TENM4: variants seen among roughly 807,000 people sequenced by gnomAD.
TENM4 encodes the protein teneurin transmembrane protein 4, also known as teneurin-4.
Under a neutral mutation model 243.3 loss-of-function variants are expected in TENM4, and 82 were observed. That is an observed-to-expected ratio of 0.34 (90% confidence interval 0.28 to 0.40). The LOEUF (loss-of-function observed/expected upper bound fraction) is 0.40. TENM4 is among the 10% of genes least tolerant of loss of function. The probability of loss-of-function intolerance (pLI) is 1.00; values close to 1 mark genes in which losing one functional copy is unlikely to be tolerated. For missense variants in TENM4, 3,138 were observed against 3,673.3 expected, an observed-to-expected ratio of 0.85 and a Z score of 3.77; for synonymous variants, 1,412 against 1,456.3, an observed-to-expected ratio of 0.97 and a Z score of 0.69.
At chr11:79,437,220 G>C (rs1859289321) in intron 1 of TENM4, among the ~76,000 whole-genome samples, 1 of 152,152 alleles carries the variant, frequency 6.6e-6, no homozygotes, top group Admixed American at 6.5e-5. Context: ...GTGTGACTTC[G>C]CTGCAAATCT....
intron 3 of TENM4, among the ~76,000 whole-genome samples, chr11:79,208,811 A>C (rs17137853): frequency 2.6e-5 from 4 of 152,132 alleles, no homozygotes; most frequent in Non-Finnish European, 5.9e-5. Flanking sequence ...TGGCTTTTCC[A>C]CTATGGCCAG....
chr11:79,135,034 A>C (rs1372718931), intron 4 of TENM4, among the ~76,000 whole-genome samples: 1 of 152,196 alleles, frequency 6.6e-6, no homozygotes, highest in East Asian at 1.9e-4. Flanking sequence ...CAGCAAAAGG[A>C]ACAGTCAGCA....
At chr11:78,863,846 C>T (rs1032674496) in intron 9 of TENM4, among the ~76,000 whole-genome samples, 2 of 152,196 alleles carry the variant, frequency 1.3e-5, no homozygotes, top group Middle Eastern at 3.2e-3. Flanking sequence ...GAAATTCCTC[C>T]TCCAGATATA....
At chr11:78,993,501 G>C (rs1432605953) in intron 6 of TENM4, among the ~76,000 whole-genome samples, 1 of 151,974 alleles carries the variant, frequency 6.6e-6, no homozygotes, top group African/African-American at 2.4e-5. Flanking sequence ...TTACATGTTA[G>C]ACCACTTGAC....
intron 1 of TENM4, among the ~76,000 whole-genome samples, chr11:79,310,927 T>A (rs1017674565): frequency 4.6e-5 from 7 of 152,222 alleles, no homozygotes; most frequent in Admixed American, 6.5e-5. Flanking sequence ...CAGCCTTTTT[T>A]AAAAAATAAA....
In TENM4 at chr11:79,406,728, T is replaced by C. The variant is rs1001801701; in HGVS notation, c.-321+33781A>G. Among the ~76,000 whole-genome samples, 12 of 152,240 alleles carry C rather than the reference T, an allele frequency of 7.9e-5. 1 individual carries two copies. The highest frequency in any genetic ancestry group is 3.9e-4 in the Admixed American group (6 of 15,276). On this transcript the variant is annotated intron_variant, in intron 1 of 33. Coordinates refer to ENST00000278550, the MANE Select transcript of TENM4 (RefSeq NM_001098816.3). ...ATCTAAGCCTGGCAGCAAAGCAGAATGGAGAATCTAGGTCTCCTGGCTCCT... is the reference window on the plus strand; with the variant it reads ...ATCTAAGCCTGGCAGCAAAGCAGAACGGAGAATCTAGGTCTCCTGGCTCCT...
intron 2 of TENM4, among the ~76,000 whole-genome samples, chr11:79,263,687 A>G (rs1855835809): frequency 1.3e-5 from 2 of 152,226 alleles, no homozygotes; most frequent in African/African-American, 4.8e-5. Flanking sequence ...AATGGAAAGT[A>G]GTAAACATGA....
chr11:79,286,680 T>A (rs570823289), intron 2 of TENM4, among the ~76,000 whole-genome samples: 19 of 150,278 alleles, frequency 1.3e-4, no homozygotes, highest in East Asian at 7.8e-4. Context: ...AAAAAAAAAA[T>A]TTTTTTTTAA....
At chr11:79,244,745 C>T (rs1328118672) in intron 2 of TENM4, among the ~76,000 whole-genome samples, 2 of 152,140 alleles carry the variant, frequency 1.3e-5, no homozygotes, top group African/African-American at 4.8e-5. Flanking sequence ...TCATTTCTTT[C>T]ACAAGCCTGT....
At chr11:79,094,448 T>G (rs1310598209) in intron 4 of TENM4, among the ~76,000 whole-genome samples, 2 of 152,306 alleles carry the variant, frequency 1.3e-5, no homozygotes, top group South Asian at 4.1e-4. Context: ...GATCGAGATC[T>G]GACTCCGAGC....
Position 78,908,380 on chromosome 11 carries a change from A to G in TENM4, c.494-4857T>C, listed in dbSNP as rs115061848. The stretch of plus-strand genomic sequence containing the variant: ...CTTAGCACCATGCTTGGAATATAGG[A>G]ATTCTGAAAAATGGTAACTATTAAT... On this transcript the variant is annotated intron_variant, in intron 6 of 33. Transcript: ENST00000278550. Among the ~76,000 whole-genome samples, 1,044 of 152,336 alleles carry G rather than the reference A, an allele frequency of 6.9e-3. 10 individuals are homozygous for G. Among genetic ancestry groups the G allele is most frequent in the African/African-American group, 0.024 (992 of 41,582 alleles).
Position 78,657,292 on chromosome 11 carries a change from G to C in TENM4, c.*766C>G. The stretch of plus-strand genomic sequence containing the variant: ...GCCCAGGATGTTATGTCACTGGTCT[G>C]GGGGAAAGGACCTGGGAGACACTTT... On this transcript the variant is annotated 3_prime_UTR_variant, in exon 34 of 34. Coordinates refer to ENST00000278550, the MANE Select transcript of TENM4 (RefSeq NM_001098816.3). The C allele has an allele frequency of 5.0e-6, 2 of 398,170 alleles. No individual in the cohort carries two copies. Among genetic ancestry groups the C allele is most frequent in the Admixed American group, 8.8e-5 (2 of 22,748 alleles). The allele number at this position is 398,170 out of a possible 1,614,324, so 24.7% of individuals were successfully genotyped here.
intron 1 of TENM4, among the ~76,000 whole-genome samples, chr11:79,357,156 C>T (rs1195660502): frequency 1.3e-5 from 2 of 152,206 alleles, no homozygotes; most frequent in African/African-American, 2.4e-5. Flanking sequence ...CTGTGGGCAG[C>T]GTCCTTTTAA....
chr11:79,426,171 A>T (rs1414289150), intron 1 of TENM4, among the ~76,000 whole-genome samples: 1 of 152,226 alleles, frequency 6.6e-6, no homozygotes, highest in Non-Finnish European at 1.5e-5. Flanking sequence ...AAGAGGATAC[A>T]TATCTTCTAT....
chr11:79,177,386 T>TC (rs1863184740), intron 3 of TENM4, among the ~76,000 whole-genome samples: 1 of 152,100 alleles, frequency 6.6e-6, no homozygotes, highest in Admixed American at 6.5e-5. Flanking sequence ...TCTTTTTTTT[T>TC]CTTTTCTTTC....
chr11:79,068,136 G>A (rs1304402207), intron 5 of TENM4: 1 of 152,226 alleles, frequency 6.6e-6, no homozygotes, highest in Non-Finnish European at 1.5e-5. Flanking sequence ...AAAGCTTTCA[G>A]AGACCATTTT....
chr11:78,705,628 T>A (rs970605148), intron 27 of TENM4, among the ~76,000 whole-genome samples: 50 of 152,342 alleles, frequency 3.3e-4, no homozygotes, highest in African/African-American at 1.2e-3. Flanking sequence ...GAACATTCTG[T>A]GCCTTTATTA....
At chr11:79,033,307 A>G (rs1427717503) in intron 6 of TENM4, among the ~76,000 whole-genome samples, 1 of 152,118 alleles carries the variant, frequency 6.6e-6, no homozygotes, top group African/African-American at 2.4e-5. Context: ...TCAAGTTCCT[A>G]GGGGAAAATG....
At chr11:79,267,277 G>T (rs1295516263) in intron 2 of TENM4, among the ~76,000 whole-genome samples, 1 of 152,140 alleles carries the variant, frequency 6.6e-6, no homozygotes, top group East Asian at 1.9e-4. Flanking sequence ...AAGCCTTCTT[G>T]TCAATCTCCA....
Sources: gnomAD v4.1 joint callset for allele counts (sites outside exome capture counted in the v4.1 genomes callset) on GRCh38, gnomAD v4.1.1 for gene constraint, MANE v1.5 for transcripts, NCBI Gene and HGNC (gene_info 2026-07-23, HGNC 2026-07-21) for gene names.